The following SHANK2 variants were observed in gnomAD, a reference collection of about 807,000 sequenced individuals.
SHANK2 encodes SH3 and multiple ankyrin repeat domains protein 2.
In SHANK2, 43 loss-of-function variants were observed where a neutral mutation model predicts 133.7. The ratio of observed to expected loss-of-function variants is 0.32; its 90% confidence interval spans 0.25 to 0.41. The LOEUF is 0.41. Ranked by LOEUF, SHANK2 falls within the 10% of genes least tolerant of loss-of-function variation. The pLI is 1.00. For missense variants in SHANK2, 1,994 were observed against 2,235.8 expected, an observed-to-expected ratio of 0.89 and a Z score of 2.18; for synonymous variants, 1,017 against 952.8, an observed-to-expected ratio of 1.07 and a Z score of -1.24.
At chr11:71,207,178 CTT>C (rs56946028) in intron 2 of SHANK2, among the ~76,000 whole-genome samples, 17 of 115,828 alleles carry the variant, frequency 1.5e-4, no homozygotes, top group Admixed American at 2.9e-4. Context: ...TTTAAAATTC[CTT>C]TTTTTTTTTT....
At chr11:71,249,244 G>T (rs1448534151) in intron 1 of SHANK2, among the ~76,000 whole-genome samples, 4 of 152,110 alleles carry the variant, frequency 2.6e-5, no homozygotes, top group Non-Finnish European at 5.9e-5. Context: ...GAAAAGACCC[G>T]CCTTTGTCTG....
At chr11:70,528,794 G>A (rs2059431615) in intron 17 of SHANK2, among the ~76,000 whole-genome samples, 1 of 152,084 alleles carries the variant, frequency 6.6e-6, no homozygotes. Context: ...GAAAGGTGAA[G>A]GGGGGTCCGT....
Position 71,221,860 on chromosome 11 carries a change from C to T in SHANK2, c.-13+2837G>A, listed in dbSNP as rs1336392504. ...GTAAAATGACGCTGCAGCCATGGCACGGGGGCGTGAGGTGCCCACAAGACA... is the reference window on the plus strand; with the variant it reads ...GTAAAATGACGCTGCAGCCATGGCATGGGGGCGTGAGGTGCCCACAAGACA... On this transcript the variant is annotated intron_variant, in intron 2 of 25. Coordinates refer to ENST00000601538, the MANE Select transcript of SHANK2 (RefSeq NM_012309.5). 3.3e-5 allele frequency among the ~76,000 whole-genome samples: 5 copies of T among 152,152 alleles called. No homozygotes were observed. The East Asian group carries it at 5.8e-4, about 18-fold the overall frequency.
At chr11:70,708,592 A>C (rs1178740333) in intron 14 of SHANK2, among the ~76,000 whole-genome samples, 4 of 152,168 alleles carry the variant, frequency 2.6e-5, no homozygotes, top group Non-Finnish European at 5.9e-5. Context: ...GTCCATGACA[A>C]AGACAGTGAG....
At chr11:70,551,583 T>A (rs2059769296) in intron 17 of SHANK2, among the ~76,000 whole-genome samples, 1 of 152,182 alleles carries the variant, frequency 6.6e-6, no homozygotes, top group South Asian at 2.1e-4. Context: ...TCAGGCTGAC[T>A]CAGTGGTTTT....
At chr11:70,641,295 G>GT (rs1420339726) in intron 17 of SHANK2, among the ~76,000 whole-genome samples, 2 of 152,070 alleles carry the variant, frequency 1.3e-5, no homozygotes, top group Non-Finnish European at 2.9e-5. Context: ...GGGTTTCACC[G>GT]TGGTAGCCAG....
intron 11 of SHANK2, chr11:70,863,805 A>T (rs1949302865): frequency 2.2e-6 from 1 of 457,612 alleles, no homozygotes. Flanking sequence ...GTGTTGTAAG[A>T]AGAGGAAACC....
chr11:70,499,140 G>A (rs781981849), intron 21 of SHANK2, among the ~76,000 whole-genome samples: 4 of 152,232 alleles, frequency 2.6e-5, no homozygotes, highest in Non-Finnish European at 4.4e-5. Context: ...TATGTGCCCC[G>A]CACTTCGCAT....
At chr11:70,556,389 TTC>T (rs781827753) in intron 17 of SHANK2, among the ~76,000 whole-genome samples, 8 of 136,162 alleles carry the variant, frequency 5.9e-5, no homozygotes, top group African/African-American at 2.3e-4. Context: ...GTCTCTTTCT[TTC>T]TTTCTCTCTC....
At chr11:70,482,026 G>A (rs1190458000) in intron 25 of SHANK2, among the ~76,000 whole-genome samples, 3 of 152,240 alleles carry the variant, frequency 2.0e-5, no homozygotes, top group African/African-American at 4.8e-5. Flanking sequence ...TCCCGTGGCC[G>A]TGGCGCACCT....
At chr11:70,738,211 G>C (rs887154949) in intron 14 of SHANK2, among the ~76,000 whole-genome samples, 2 of 152,280 alleles carry the variant, frequency 1.3e-5, no homozygotes, top group Non-Finnish European at 2.9e-5. Flanking sequence ...TTTCAAAACT[G>C]CTAAGAGACC....
intron 14 of SHANK2, among the ~76,000 whole-genome samples, chr11:70,788,944 C>T (rs1252545638): frequency 6.6e-6 from 1 of 152,148 alleles, no homozygotes; most frequent in Non-Finnish European, 1.5e-5. Flanking sequence ...AAGGAGAGAT[C>T]CGAGAATGTT....
intron 3 of SHANK2, among the ~76,000 whole-genome samples, chr11:71,134,120 G>T (rs1227609018): frequency 6.6e-6 from 1 of 151,968 alleles, no homozygotes; most frequent in East Asian, 2.0e-4. Flanking sequence ...CAGGAGGCCC[G>T]GAGTGGGCAC....
intron 17 of SHANK2, among the ~76,000 whole-genome samples, chr11:70,658,264 G>GAC (rs1208417379): frequency 1.2e-3 from 118 of 99,304 alleles, no homozygotes; most frequent in Middle Eastern, 5.6e-3. Flanking sequence ...CACACACACA[G>GAC]ACACACACAC....
At chr11:71,095,583 C>T (rs890554025) in intron 6 of SHANK2, among the ~76,000 whole-genome samples, 7 of 152,330 alleles carry the variant, frequency 4.6e-5, no homozygotes, top group African/African-American at 1.7e-4. Flanking sequence ...AAGCACATTC[C>T]AGTGAAAGAA....
intron 15 of SHANK2, among the ~76,000 whole-genome samples, chr11:70,667,144 C>A (rs1264074188): frequency 3.3e-5 from 5 of 152,134 alleles, no homozygotes; most frequent in African/African-American, 1.2e-4. Flanking sequence ...AAGGAAGGGG[C>A]AAGCACCTTT....
Position 70,825,313 on chromosome 11 carries a change from A to T in SHANK2, c.1175-4631T>A, listed in dbSNP as rs573772817. Among the ~76,000 whole-genome samples, 103 of 152,354 alleles carry T rather than the reference A, an allele frequency of 6.8e-4. 2 individuals are homozygous for T. In the South Asian group the frequency reaches 0.021, roughly 30 times the overall value. On this transcript the variant is annotated intron_variant, in intron 11 of 25. Coordinates refer to ENST00000601538, the MANE Select transcript of SHANK2 (RefSeq NM_012309.5). ...TTCATGCTGTTCATGGATTATAAAA[A>T]TTGAAACCCCAGAAGGTGAATTTTG...
At chr11:70,678,703 C>T (rs945577780) in intron 15 of SHANK2, among the ~76,000 whole-genome samples, 8 of 151,884 alleles carry the variant, frequency 5.3e-5, no homozygotes, top group African/African-American at 9.7e-5. Context: ...CCACCACACC[C>T]AGCTAATTTT....
intron 10 of SHANK2, among the ~76,000 whole-genome samples, chr11:70,954,551 C>A (rs1555087351): frequency 1.3e-5 from 2 of 152,266 alleles, no homozygotes; most frequent in Non-Finnish European, 1.5e-5. Flanking sequence ...AAAAGCCAGG[C>A]TCTGACATTT....
Sources: gnomAD v4.1 joint callset for allele counts (sites outside exome capture counted in the v4.1 genomes callset) on GRCh38, gnomAD v4.1.1 for gene constraint, MANE v1.5 for transcripts, NCBI Gene and HGNC (gene_info 2026-07-23, HGNC 2026-07-21) for gene names.